The following TTLL13 variants were observed in gnomAD, a reference collection of about 807,000 sequenced individuals.
The protein encoded by TTLL13 is tubulin tyrosine ligase like 13.
At chr15:90,263,124 GA>G in the TTLL13 span, 1 of 1,526,394 alleles carries the variant, frequency 6.6e-7, no homozygotes, top group South Asian at 1.2e-5. Context: ...CCCAGGGCCA[GA>G]AAAAACTTCA....
chr15:90,259,132 G>C, the TTLL13 span: 5 of 1,237,400 alleles, frequency 4.0e-6, no homozygotes, highest in Non-Finnish European at 5.3e-6. Context: ...GGAGGCTGAG[G>C]CAGGAGGATT....
the TTLL13 span, among the ~76,000 whole-genome samples, chr15:90,260,878 A>G: frequency 6.6e-6 from 1 of 151,130 alleles, no homozygotes; most frequent in African/African-American, 2.4e-5. Flanking sequence ...AGAGAGAAAG[A>G]AAGGAAGGAA....
the TTLL13 span, among the ~76,000 whole-genome samples, chr15:90,253,962 C>T: frequency 6.6e-6 from 1 of 152,188 alleles, no homozygotes; most frequent in Admixed American, 6.5e-5. Context: ...TGTCCCACAA[C>T]TAGTCTTGGG....
chr15:90,259,853 G>A, the TTLL13 span, among the ~76,000 whole-genome samples: 1 of 152,176 alleles, frequency 6.6e-6, no homozygotes, highest in Non-Finnish European at 1.5e-5. Context: ...ATGGTAACTG[G>A]TCACCGATAC....
the TTLL13 span, chr15:90,262,340 TTAG>T: frequency 8.8e-7 from 1 of 1,137,676 alleles, no homozygotes; most frequent in Non-Finnish European, 1.2e-6. Context: ...TCTTTTCAGT[TTAG>T]TAGGTTTCCT....
At chr15:90,253,483 CA>C in the TTLL13 span, 2 of 574,912 alleles carry the variant, frequency 3.5e-6, no homozygotes, top group Non-Finnish European at 6.0e-6. Context: ...CTTGTGCAGA[CA>C]AGAAAGACCA....
At chr15:90,257,579 G>A in the TTLL13 span, 81 of 1,513,800 alleles carry the variant, frequency 5.4e-5, no homozygotes, top group Admixed American at 6.8e-5. Flanking sequence ...GTAATGAAGG[G>A]CTGGAGAGGA....
At chr15:90,256,118 G>C in the TTLL13 span, 2 of 1,611,614 alleles carry the variant, frequency 1.2e-6, no homozygotes, top group Non-Finnish European at 1.7e-6. Flanking sequence ...GAAACCTTTT[G>C]ACCAGGCCCT....
the TTLL13 span, among the ~76,000 whole-genome samples, chr15:90,254,773 G>C: frequency 2.6e-5 from 4 of 152,262 alleles, no homozygotes; most frequent in African/African-American, 7.2e-5. Context: ...TTGAGCCTGG[G>C]AGGCAGAGGC....
chr15:90,262,348 T>C, the TTLL13 span: 1 of 1,139,786 alleles, frequency 8.8e-7, no homozygotes. Context: ...GTTTAGTAGG[T>C]TTCCTATCTT....
the TTLL13 span, among the ~76,000 whole-genome samples, chr15:90,253,700 G>A: frequency 6.6e-6 from 1 of 152,248 alleles, no homozygotes; most frequent in East Asian, 1.9e-4. Context: ...CTAACAGCAG[G>A]GCCAGTTGAA....
At chr15:90,257,642 T>C in the TTLL13 span, 2 of 1,614,092 alleles carry the variant, frequency 1.2e-6, no homozygotes, top group East Asian at 2.2e-5. Flanking sequence ...CACAGGACAA[T>C]GTCTGCATGC....
chr15:90,256,544 T>TC, the TTLL13 span, among the ~76,000 whole-genome samples: 26 of 125,490 alleles, frequency 2.1e-4, no homozygotes, highest in African/African-American at 6.1e-4. Context: ...GTCTCCTTCC[T>TC]TTTTCTTTCT....
At chr15:90,261,723 T>C in the TTLL13 span, among the ~76,000 whole-genome samples, 1 of 152,144 alleles carries the variant, frequency 6.6e-6, no homozygotes, top group African/African-American at 2.4e-5. Flanking sequence ...GAGGTTACAG[T>C]GAGCAGAGAT....
chr15:90,261,731 G>C, the TTLL13 span, among the ~76,000 whole-genome samples: 3 of 152,196 alleles, frequency 2.0e-5, no homozygotes, highest in African/African-American at 7.2e-5. Flanking sequence ...AGTGAGCAGA[G>C]ATTGTGCCAG....
At chr15:90,250,695 A>G in the TTLL13 span, 1 of 1,614,170 alleles carries the variant, frequency 6.2e-7, no homozygotes, top group Non-Finnish European at 8.5e-7. Context: ...AAGGAATCTG[A>G]GAAGTGTGTT....
At chr15:90,256,585 C>CTTTCTT in the TTLL13 span, among the ~76,000 whole-genome samples, 10 of 34,624 alleles carry the variant, frequency 2.9e-4, 1 homozygote, top group Non-Finnish European at 5.6e-4. Context: ...TTCTTTCTTT[C>CTTTCTT]TTTCTTTCTT....
chr15:90,263,614 C>T, the TTLL13 span: 12 of 586,306 alleles, frequency 2.0e-5, no homozygotes, highest in Non-Finnish European at 3.0e-6. Flanking sequence ...TTTGTTGAAC[C>T]CCAAAGGAGT....
the TTLL13 span, among the ~76,000 whole-genome samples, chr15:90,260,101 G>T: frequency 6.0e-3 from 919 of 152,334 alleles, 8 homozygotes; most frequent in African/African-American, 0.021. Flanking sequence ...CTGTGTACCT[G>T]AGGGTCATGA....
Sources: gnomAD v4.1 joint callset for allele counts (sites outside exome capture counted in the v4.1 genomes callset) on GRCh38, gnomAD v4.1.1 for gene constraint, MANE v1.5 for transcripts, NCBI Gene and HGNC (gene_info 2026-07-23, HGNC 2026-07-21) for gene names.